Variants in MCFD2 observed in about 807,000 individuals in gnomAD.
MCFD2 encodes the protein multiple coagulation factor deficiency protein 2.
In MCFD2, 11 loss-of-function variants were observed where a neutral mutation model predicts 12.8. That is an observed-to-expected ratio of 0.86 (90% CI 0.54 to 1.42). The LOEUF is 1.42. Ranked by LOEUF, MCFD2 falls within the 40% of genes most tolerant of loss-of-function variation. The pLI is 0.00. For synonymous variants in MCFD2, 70 were observed against 68.1 expected, an observed-to-expected ratio of 1.03 and a Z score of -0.14; for missense variants, 191 against 178.6, an observed-to-expected ratio of 1.07 and a Z score of -0.40.
intron 1 of MCFD2, among the ~76,000 whole-genome samples, chr2:46,929,186 C>CA (rs1247360540): frequency 3.4e-5 from 5 of 148,682 alleles, no homozygotes; most frequent in East Asian, 4.0e-4. Flanking sequence ...CAAAACAAAA[C>CA]AAAAAAACAC....
intron 1 of MCFD2, among the ~76,000 whole-genome samples, chr2:46,925,676 C>G (rs1359301142): frequency 6.6e-6 from 1 of 152,190 alleles, no homozygotes; most frequent in Admixed American, 6.5e-5. Flanking sequence ...GACTTCTCCC[C>G]TGCCACCTCC....
chr2:46,930,097 C>T (rs966323465), intron 1 of MCFD2, among the ~76,000 whole-genome samples: 8 of 152,128 alleles, frequency 5.3e-5, no homozygotes, highest in African/African-American at 1.9e-4. Flanking sequence ...ATAACCTAAC[C>T]TTTCCCTACT....
At chr2:46,921,168 C>T (rs906370761) in intron 1 of MCFD2, among the ~76,000 whole-genome samples, 2 of 152,090 alleles carry the variant, frequency 1.3e-5, no homozygotes, top group African/African-American at 2.4e-5. Context: ...TATACTAGAG[C>T]TTTAAGCCGT....
At chr2:46,906,388 C>T (rs1446830255) in intron 3 of MCFD2, among the ~76,000 whole-genome samples, 1 of 152,122 alleles carries the variant, frequency 6.6e-6, no homozygotes, top group Non-Finnish European at 1.5e-5. Context: ...AATGTAATCC[C>T]ACTCACCTGG....
Position 46,941,628 on chromosome 2 carries a change from G to A in MCFD2, c.-64C>T, listed in dbSNP as rs1670389273. The A allele has an allele frequency of 1.9e-6, 3 of 1,555,056 alleles. No homozygotes were observed. The East Asian group carries it at 7.2e-5, about 38-fold the overall frequency. On this transcript the variant is annotated 5_prime_UTR_variant, in exon 1 of 3. Coordinates refer to the MCFD2 transcript ENST00000409147. The surrounding 1 kb of genome is among the most constrained non-coding windows in gnomAD (Gnocchi z 4.2). ...GCGCCGAGGGCCACTGGGACCGCAT[G>A]CCGGAGCTGGTCCGGCAGCTGCAGA...
chr2:46,912,170 A>T (rs972132647), intron 1 of MCFD2, among the ~76,000 whole-genome samples: 1 of 151,834 alleles, frequency 6.6e-6, no homozygotes, highest in Non-Finnish European at 1.5e-5. Context: ...ATGCGTCTCT[A>T]CTAAAAATAC....
intron 1 of MCFD2, among the ~76,000 whole-genome samples, chr2:46,927,471 C>T (rs946532578): frequency 8.6e-5 from 13 of 151,640 alleles, no homozygotes; most frequent in African/African-American, 2.9e-4. Context: ...ATTCTCCCAC[C>T]TCAACCTCCA....
In MCFD2 at chr2:46,907,773, T is replaced by A; in HGVS notation, c.309+37A>T. 6.2e-7 allele frequency: 1 copy of A among 1,609,768 alleles called. No individual in the cohort carries two copies. The highest frequency in any genetic ancestry group is 8.5e-7 in the Non-Finnish European group (1 of 1,176,568). On this transcript the variant is annotated intron_variant, in intron 3 of 3. Coordinates refer to ENST00000319466, the MANE Select transcript of MCFD2 (RefSeq NM_139279.6). The surrounding 1 kb of genome is among the most constrained non-coding windows in gnomAD (Gnocchi z 4.1). ...GACCAAATTAACAAAGGGAAGCCTT[T>A]CTGTGATACAGTCCCCCAAGCCACT... is the stretch of plus-strand genomic sequence containing the variant.
chr2:46,938,531 T>C (rs1232000722), intron 1 of MCFD2, among the ~76,000 whole-genome samples: 1 of 152,224 alleles, frequency 6.6e-6, no homozygotes, highest in Non-Finnish European at 1.5e-5. Context: ...AGTTACCACA[T>C]GACATGCTCT....
chr2:46,936,945 C>T (rs961171508), intron 1 of MCFD2, among the ~76,000 whole-genome samples: 3 of 151,792 alleles, frequency 2.0e-5, no homozygotes, highest in African/African-American at 7.3e-5. Flanking sequence ...ACCTCTGCCT[C>T]CTGGGCTCAA....
In MCFD2 at chr2:46,908,710, A is replaced by T; in HGVS notation, c.149+313T>A. 4.6e-6 allele frequency: 2 copies of T among 430,226 alleles called. No individual in the cohort carries two copies. Among genetic ancestry groups the T allele is most frequent in the Non-Finnish European group, 4.3e-6 (1 of 231,298 alleles). The allele number at this position is 430,226 out of a possible 1,614,324, so 26.7% of individuals were successfully genotyped here. ...CCTTAGCTATTTTCTGGATTCTGCT[A>T]CTATGACTGTGTATGTGTACCTGTG... On this transcript the variant is annotated intron_variant, in intron 2 of 3. Transcript: ENST00000319466. This position sits in a 1 kb window ranked among gnomAD's most constrained non-coding sequence, Gnocchi z 4.5.
chr2:46,941,624 G>C lies in MCFD2; in HGVS notation c.-60C>G. 6.4e-7 allele frequency: 1 copy of C among 1,555,168 alleles called. No individual in the cohort carries two copies. The highest frequency in any genetic ancestry group is 8.7e-7 in the Non-Finnish European group (1 of 1,149,890). The stretch of plus-strand genomic sequence containing the variant: ...TGCCGCGCCGAGGGCCACTGGGACC[G>C]CATGCCGGAGCTGGTCCGGCAGCTG... On this transcript the variant is annotated 5_prime_UTR_variant, in exon 1 of 3. Coordinates refer to the MCFD2 transcript ENST00000409147. This position sits in a 1 kb window ranked among gnomAD's most constrained non-coding sequence, Gnocchi z 4.2.
chr2:46,904,970 T>A lies in MCFD2; in HGVS notation c.*493A>T, dbSNP rs556333990. On this transcript the variant is annotated 3_prime_UTR_variant, in exon 4 of 4. Coordinates refer to ENST00000319466, the MANE Select transcript of MCFD2 (RefSeq NM_139279.6). ...AGAGACCCAAGGGGAGGTAATTGAATCATGGGGGCCAGTCTTTCCCATGCT... is the reference window on the plus strand; with the variant it reads ...AGAGACCCAAGGGGAGGTAATTGAAACATGGGGGCCAGTCTTTCCCATGCT... The A allele has an allele frequency of 4.5e-6, 1 of 224,600 alleles. No homozygotes were observed. The highest frequency in any genetic ancestry group is 2.3e-5 in the African/African-American group (1 of 43,450). The allele number at this position is 224,600 out of a possible 1,614,324, so 13.9% of individuals were successfully genotyped here.
chr2:46,940,848 G>GTCGGCCGGCCTC lies in MCFD2; in HGVS notation c.-8+712_-8+723dup, dbSNP rs1670269930. ...AGGCTCGCCGTCGGGGTTGGGGCCT[G>GTCGGCCGGCCTC]TCGGCCGGCCTCTCCCCATTTTTGT... On this transcript the variant is annotated intron_variant, in intron 1 of 2. Transcript: ENST00000409147. This position sits in a 1 kb window ranked among gnomAD's most constrained non-coding sequence, Gnocchi z 4.7. 6.6e-6 allele frequency among the ~76,000 whole-genome samples: 1 copy of GTCGGCCGGCCTC among 152,120 alleles called. No individual in the cohort carries two copies. The highest frequency in any genetic ancestry group is 1.5e-5 in the Non-Finnish European group (1 of 68,018).
chr2:46,903,742 C>A lies in MCFD2; in HGVS notation c.*1721G>T, dbSNP rs897144511. 6 of 152,116 alleles carry A rather than the reference C, an allele frequency of 3.9e-5. No individual in the cohort carries two copies. The highest frequency in any genetic ancestry group is 1.2e-4 in the African/African-American group (5 of 41,406). 9.4% of individuals were successfully genotyped at this position (152,116 alleles called of 1,614,324 possible). A position where few individuals can be genotyped will look rare whatever the true frequency, so the allele number is the denominator to read the frequency against. ...AGAAATTTCTAAGCAGCAAAGTGTT[C>A]AACAGGTGACTTGGGTGCTTTTAAA... On this transcript the variant is annotated 3_prime_UTR_variant, in exon 4 of 4. Transcript: ENST00000319466.
intron 3 of MCFD2, chr2:46,905,894 C>T (rs1459088602): frequency 2.0e-6 from 1 of 512,626 alleles, no homozygotes; most frequent in African/African-American, 1.9e-5. Flanking sequence ...TCAAAATAGG[C>T]TTTTGCTTAT....
chr2:46,918,872 G>A (rs899784218), upstream of MCFD2, among the ~76,000 whole-genome samples: 1 of 152,226 alleles, frequency 6.6e-6, no homozygotes, highest in Non-Finnish European at 1.5e-5. Flanking sequence ...AGAAAGTAAC[G>A]ACTAGGTAAG....
intron 1 of MCFD2, among the ~76,000 whole-genome samples, chr2:46,910,613 G>C (rs1484329819): frequency 6.6e-6 from 1 of 152,164 alleles, no homozygotes; most frequent in Non-Finnish European, 1.5e-5. Context: ...AAGGCTCTCA[G>C]GGCAGAACCC....
At chr2:46,932,156 T>C (rs571719434) in intron 1 of MCFD2, among the ~76,000 whole-genome samples, 75 of 151,252 alleles carry the variant, frequency 5.0e-4, no homozygotes, top group Non-Finnish European at 9.0e-4. Context: ...TGGGATTCTT[T>C]TTTTTTTTTT....
Sources: gnomAD v4.1 joint callset for allele counts (sites outside exome capture counted in the v4.1 genomes callset) on GRCh38, gnomAD v4.1.1 for gene constraint, Gnocchi (gnomAD v3.1) non-coding constraint, MANE v1.5 for transcripts, NCBI Gene and HGNC (gene_info 2026-07-23, HGNC 2026-07-21) for gene names.